Variants in ABCD4 observed in about 807,000 individuals in gnomAD.
The protein encoded by ABCD4 is lysosomal cobalamin transporter ABCD4.
ABCD4 carries 53 observed loss-of-function variants against 86.3 expected under a neutral mutation model. The ratio of observed to expected loss-of-function variants is 0.61; its 90% CI spans 0.49 to 0.77. The LOEUF (loss-of-function observed/expected upper bound fraction) is 0.77. ABCD4 is among the 30% of genes least tolerant of loss of function. ABCD4 has a pLI of 0.00. For synonymous variants in ABCD4, 328 were observed against 313.6 expected (o/e 1.05, Z -0.49); for missense variants, 757 against 764.5 (o/e 0.99, Z 0.12).
intron 8 of ABCD4, 89 bp from the exon 9 acceptor site, chr14:74,292,958 T>C (rs1012893798): frequency 8.9e-6 from 14 of 1,581,670 alleles, no homozygotes; most frequent in Admixed American, 1.7e-5. Context: ...GGACGCCAAG[T>C]AGGGCCACGT....
chr14:74,295,677 G>C (rs571201317), intron 6 of ABCD4, 177 bp downstream of exon 6: 2 of 776,158 alleles, frequency 2.6e-6, no homozygotes, highest in South Asian at 1.9e-5. Context: ...AGTAGGCAAC[G>C]GTACCATTTC....
chr14:74,296,615 T>G lies in ABCD4; in HGVS notation c.426-166A>C, dbSNP rs1185833475. 8.2e-6 allele frequency: 5 copies of G among 611,604 alleles called. No individual in the cohort carries two copies. In the East Asian group the frequency reaches 1.4e-4, roughly 17 times the overall value. 37.9% of individuals were successfully genotyped at this position (611,604 alleles called of 1,614,324 possible). A position where few individuals can be genotyped will look rare whatever the true frequency, so the allele number is the denominator to read the frequency against. On this transcript the variant is annotated intron_variant, in intron 4 of 18. Transcript: ENST00000356924. ...ACAAGGCTGGTTTCCTAGGGGCAAC[T>G]AAATCCCAGGGCCTTTAAACAGGGT...
chr14:74,285,901 A>T lies in ABCD4; in HGVS notation c.*560T>A, dbSNP rs1392693127. The T allele has an allele frequency of 6.6e-6, 1 of 152,544 alleles. No homozygotes were observed. The allele number at this position is 152,544 out of a possible 1,614,324, so 9.4% of individuals were successfully genotyped here. ...TGGGCATAAGATTCCAGAACAGCAGAGTGTGCTTCCCTTCCCACCAAGCTG... is the reference window on the plus strand; with the variant it reads ...TGGGCATAAGATTCCAGAACAGCAGTGTGTGCTTCCCTTCCCACCAAGCTG... On this transcript the variant is annotated 3_prime_UTR_variant, in exon 19 of 19. Coordinates refer to ENST00000356924, the MANE Select transcript of ABCD4 (RefSeq NM_005050.4).
At chr14:74,293,517 T>C in intron 7 of ABCD4, 1 of 356,430 alleles carries the variant, frequency 2.8e-6, no homozygotes, top group Non-Finnish European at 5.0e-6. Context: ...GGCAGGCTAC[T>C]TAAGCCTCCA....
At chr14:74,295,661 C>T in intron 6 of ABCD4, 193 bp downstream of exon 6, 1 of 676,770 alleles carries the variant, frequency 1.5e-6, no homozygotes, top group Non-Finnish European at 2.4e-6. Context: ...TCCTCCTAAT[C>T]CTCTCAGTAG....
In ABCD4 at chr14:74,288,549, G is replaced by A. The variant is rs143929036; in HGVS notation, c.1506+167C>T. ...CTCCAATGAGAGCACTACCCCCTTC[G>A]TGCCTAAACCTGGCCAACAGCACAC... On this transcript the variant is annotated intron_variant, in intron 15 of 18. Transcript: ENST00000356924. 191 of 762,944 alleles carry A rather than the reference G, an allele frequency of 2.5e-4. 1 individual carries two copies. The highest frequency in any genetic ancestry group is 3.2e-4 in the Non-Finnish European group (150 of 469,520). The allele number at this position is 762,944 out of a possible 1,614,324, so 47.3% of individuals were successfully genotyped here.
At chr14:74,288,334 C>T in intron 15 of ABCD4, 75 bp from the exon 16 acceptor site, 1 of 1,411,268 alleles carries the variant, frequency 7.1e-7, no homozygotes, top group Non-Finnish European at 9.8e-7. Flanking sequence ...GAACCTCCCT[C>T]ACTCCCCAGC....
intron 17 of ABCD4, 82 bp from the exon 18 acceptor site, chr14:74,286,898 C>T (rs1182665156): frequency 7.5e-7 from 1 of 1,333,238 alleles, no homozygotes; most frequent in African/African-American, 1.4e-5. Context: ...TACTCAACCC[C>T]AGCTGGGACC....
chr14:74,299,447 C>T (rs549545225), intron 3 of ABCD4, 101 bp downstream of exon 3: 36 of 1,462,490 alleles, frequency 2.5e-5, no homozygotes, highest in Admixed American at 2.2e-4. Context: ...AACACACCCC[C>T]ACAGCTTGCT....
intron 1 of ABCD4, among the ~76,000 whole-genome samples, chr14:74,301,855 T>C (rs1156813636): frequency 6.6e-6 from 1 of 152,132 alleles, no homozygotes; most frequent in East Asian, 1.9e-4. Flanking sequence ...GCCGAGATCA[T>C]GCCACTGCAT....
chr14:74,296,282 G>C, intron 5 of ABCD4, 51 bp downstream of exon 5: 1 of 1,557,916 alleles, frequency 6.4e-7, no homozygotes, highest in African/African-American at 1.4e-5. Context: ...TGGGAGAGCT[G>C]ACTGAGGGCC....
At position 74,289,312 on chromosome 14, in the gene ABCD4, A is replaced by C. The variant is rs144023300; in HGVS notation, c.1456+171T>G. The C allele has an allele frequency of 1.1e-5, 16 of 1,417,488 alleles. No homozygotes were observed. The East Asian group carries it at 3.4e-4, about 30-fold the overall frequency. The allele number at this position is 1,417,488 out of a possible 1,614,324, so 87.8% of individuals were successfully genotyped here. A position where few individuals can be genotyped will look rare whatever the true frequency, so the allele number is the denominator to read the frequency against. ...TTAAGGACAGAAAGAATGAGGTGAGATCTGGGTACAGACCCCAAAACAGTC... is the reference window on the plus strand; with the variant it reads ...TTAAGGACAGAAAGAATGAGGTGAGCTCTGGGTACAGACCCCAAAACAGTC... On this transcript the variant is annotated intron_variant, in intron 14 of 18. Transcript: ENST00000356924.
Position 74,296,205 on chromosome 14 carries a change from G to C in ABCD4, c.542+128C>G, listed in dbSNP as rs1486323072. On this transcript the variant is annotated intron_variant, in intron 5 of 18. Transcript: ENST00000356924. ...GGAAGGGCAGGGGCCTGAGCACGTG[G>C]GATGGGTGAGCACGTGGTAAGGTAC... The C allele has an allele frequency of 4.5e-6, 5 of 1,120,278 alleles. No individual in the cohort carries two copies. In the East Asian group the frequency reaches 1.2e-4, roughly 27 times the overall value. The allele number at this position is 1,120,278 out of a possible 1,614,324, so 69.4% of individuals were successfully genotyped here.
chr14:74,297,992 GCGGTGAAGGTGCTCAGTGAGGT>G lies in ABCD4; in HGVS notation c.341_362del (p.Asp114AlafsTer68). 6.2e-7 allele frequency: 1 copy of G among 1,614,042 alleles called. No individual in the cohort carries two copies. Among genetic ancestry groups the G allele is most frequent in the Non-Finnish European group, 8.5e-7 (1 of 1,179,982 alleles). On this transcript the variant is annotated frameshift_variant, in exon 4 of 19. Transcript: ENST00000356924. LOFTEE classifies it high-confidence loss of function. ...AGTACGCACGGCCCCGGAAGTAGAGGCGGTGAAGGTGCTCAGTGAGGTCCTTCCTCCAGCTCACATACAGCAG... is the reference window on the plus strand; with the variant it reads ...AGTACGCACGGCCCCGGAAGTAGAGGCCTTCCTCCAGCTCACATACAGCAG...
At chr14:74,295,326 C>A in intron 6 of ABCD4, 128 bp from the exon 7 acceptor site, 1 of 1,058,384 alleles carries the variant, frequency 9.4e-7, no homozygotes, top group South Asian at 1.4e-5. Context: ...CTGCCTCAGT[C>A]TGACCCTTTC....
chr14:74,289,100 A>G, intron 14 of ABCD4: 1 of 1,044,772 alleles, frequency 9.6e-7, no homozygotes, highest in Non-Finnish European at 1.1e-6. Flanking sequence ...TGACAGAGTG[A>G]AACTCCATCT....
intron 14 of ABCD4, chr14:74,289,165 T>A (rs976373220): frequency 8.5e-5 from 104 of 1,220,380 alleles, no homozygotes; most frequent in Middle Eastern, 6.5e-4. Context: ...TCATGGATGA[T>A]GCAGGGGTGG....
At position 74,287,840 on chromosome 14, in the gene ABCD4, G is replaced by C; in HGVS notation, c.1606C>G (p.Arg536Gly). 1.2e-6 allele frequency: 2 copies of C among 1,613,068 alleles called. No homozygotes were observed. Among genetic ancestry groups the C allele is most frequent in the Non-Finnish European group, 1.7e-6 (2 of 1,179,510 alleles). Residue 536 changes from arginine (R) to glycine (G), a missense_variant, in exon 17 of 19, where the codon CGA (arginine) becomes GGA (glycine). By Grantham distance (125) the Arg-to-Gly change is moderately radical. Coordinates refer to ENST00000356924, the MANE Select transcript of ABCD4 (RefSeq NM_005050.4). ...PGEMQRLSFARLFYLQPKYAV... is the reference protein window; with the variant it reads ...PGEMQRLSFAGLFYLQPKYAV... ...TACTTCGGCTGCAGGTAGAAGAGTCGGGCAAAGGAGAGCCGTTGCATCTCC... is the reference window on the plus strand; with the variant it reads ...TACTTCGGCTGCAGGTAGAAGAGTCCGGCAAAGGAGAGCCGTTGCATCTCC...
intron 14 of ABCD4, 148 bp downstream of exon 14, chr14:74,289,335 G>A (rs2080804617): frequency 6.9e-7 from 1 of 1,451,232 alleles, no homozygotes; most frequent in Non-Finnish European, 9.1e-7. Flanking sequence ...CCCCAAAACA[G>A]TCAAAGGAAG....
Sources: allele counts gnomAD v4.1 joint callset (sites outside exome capture counted in the v4.1 genomes callset), GRCh38; gene constraint gnomAD v4.1.1; transcripts MANE v1.5; gene names NCBI Gene and HGNC (gene_info 2026-07-23, HGNC 2026-07-21).